Variants in PCDHGA10 observed in about 807,000 individuals in gnomAD.
PCDHGA10 encodes protocadherin gamma subfamily A, 10.
Under a neutral mutation model 59.5 loss-of-function variants are expected in PCDHGA10, and 42 were observed. That is an observed-to-expected ratio of 0.71 (90% CI 0.55 to 0.91). The LOEUF (loss-of-function observed/expected upper bound fraction) is 0.91, where lower values mean the gene tolerates loss of function less well. Ranked by LOEUF, PCDHGA10 falls within the 40% of genes least tolerant of loss-of-function variation. The probability of loss-of-function intolerance (pLI) is 0.00; values close to 1 mark genes in which losing one functional copy is unlikely to be tolerated. For missense variants in PCDHGA10, 1,111 were observed against 1,198.2 expected, an observed-to-expected ratio of 0.93 and a Z score of 1.07; for synonymous variants, 511 against 517.2, an observed-to-expected ratio of 0.99 and a Z score of 0.16.
rs369323252 is a variant in PCDHGA10 at position 141,487,658 on chromosome 5, G to T, written c.2437-7149G>T. ...TCAACAAATGCTTGAGGGTTATTCT[G>T]ATCCAGGCATATGGCTAGGCCATGT... On this transcript the variant is annotated intron_variant, in intron 1 of 3. Coordinates refer to ENST00000398610, the MANE Select transcript of PCDHGA10 (RefSeq NM_018913.3). This position sits in a 1 kb window ranked among gnomAD's most constrained non-coding sequence, Gnocchi z 5.0. The T allele has an allele frequency of 8.7e-5, 140 of 1,613,508 alleles. No individual in the cohort carries two copies. The highest frequency in any genetic ancestry group is 1.1e-4 in the Non-Finnish European group (134 of 1,179,802).
chr5:141,500,216 ATT>A (rs1562194139), intron 2 of PCDHGA10, among the ~76,000 whole-genome samples: 8 of 149,244 alleles, frequency 5.4e-5, no homozygotes, highest in African/African-American at 2.0e-4. Flanking sequence ...TTATTTATTT[ATT>A]TATTTATTGA....
intron 3 of PCDHGA10, among the ~76,000 whole-genome samples, chr5:141,509,398 G>A (rs1218925417): frequency 6.6e-6 from 1 of 152,106 alleles, no homozygotes; most frequent in Admixed American, 6.5e-5. Context: ...GGATCTCAGG[G>A]CCTCCAGCAG....
intron 1 of PCDHGA10, among the ~76,000 whole-genome samples, chr5:141,471,791 A>C (rs904614629): frequency 1.3e-5 from 2 of 152,238 alleles, no homozygotes; most frequent in Admixed American, 1.3e-4. Context: ...ATGCTATGTC[A>C]TATAAAAGAC....
chr5:141,461,773 C>T (rs894271810), intron 1 of PCDHGA10, among the ~76,000 whole-genome samples: 3 of 152,108 alleles, frequency 2.0e-5, no homozygotes, highest in Non-Finnish European at 4.4e-5. Context: ...CCTGCCTCAG[C>T]CTCCCAAGTA....
chr5:141,497,111 G>A (rs899232924), intron 2 of PCDHGA10, among the ~76,000 whole-genome samples: 16 of 152,010 alleles, frequency 1.1e-4, no homozygotes, highest in Non-Finnish European at 1.2e-4. Context: ...GCTTGAACCC[G>A]GAAGGCAGAG....
rs775890033 is a variant in PCDHGA10, at chr5:141,414,723, C to T, written c.1548C>T (p.Gly516=). ...SSYISINSDT[G]VLYALRSFDY... is the part of the protein sequence containing the mutation. ...ACATATCCATCAACTCAGACACTGGCGTCCTGTATGCACTCAGATCCTTCG... is the reference window on the plus strand; with the variant it reads ...ACATATCCATCAACTCAGACACTGGTGTCCTGTATGCACTCAGATCCTTCG... The change falls in exon 1 of 4, where the codon GGC becomes GGT. Residue 516 remains glycine, a synonymous_variant. Coordinates refer to ENST00000398610, the MANE Select transcript of PCDHGA10 (RefSeq NM_018913.3). 1.9e-6 allele frequency: 3 copies of T among 1,614,170 alleles called. No individual in the cohort carries two copies.
At chr5:141,417,673 C>G in intron 1 of PCDHGA10, 3 of 970,368 alleles carry the variant, frequency 3.1e-6, no homozygotes, top group Non-Finnish European at 2.9e-6. Context: ...CCTGCGCAGC[C>G]AACAACAGAA....
At chr5:141,428,100 G>C (rs1313410784) in intron 1 of PCDHGA10, 11 of 1,608,462 alleles carry the variant, frequency 6.8e-6, no homozygotes, top group Non-Finnish European at 9.3e-6. Context: ...GTCCTACCAC[G>C]TGCTGCAGGC....
chr5:141,438,631 TATATACACACAC>T (rs1290318462), intron 1 of PCDHGA10, among the ~76,000 whole-genome samples: 214 of 43,192 alleles, frequency 5.0e-3, no homozygotes, highest in Non-Finnish European at 6.1e-3. Flanking sequence ...TATATATATA[TATATACACACAC>T]ACACACACAT....
intron 1 of PCDHGA10, among the ~76,000 whole-genome samples, chr5:141,452,019 C>T (rs1227308101): frequency 3.3e-5 from 5 of 152,194 alleles, no homozygotes; most frequent in African/African-American, 1.2e-4. Flanking sequence ...AGCCCACACT[C>T]TGGGGAGATG....
intron 1 of PCDHGA10, among the ~76,000 whole-genome samples, chr5:141,460,221 C>T (rs931609262): frequency 3.4e-4 from 51 of 151,918 alleles, no homozygotes; most frequent in African/African-American, 1.2e-3. Flanking sequence ...TTAGTTGTGT[C>T]TTTTGAAGAG....
chr5:141,466,496 GCA>G (rs2099123596), intron 1 of PCDHGA10, among the ~76,000 whole-genome samples: 1 of 152,120 alleles, frequency 6.6e-6, no homozygotes. Context: ...TTTAATTAGA[GCA>G]CAGACAAGAT....
intron 1 of PCDHGA10, among the ~76,000 whole-genome samples, chr5:141,462,825 C>T (rs1040054698): frequency 4.6e-5 from 7 of 152,124 alleles, no homozygotes; most frequent in Admixed American, 3.9e-4. Context: ...GGACAGCAGA[C>T]ATTGTAAATG....
chr5:141,494,074 C>A (rs2099751716), intron 1 of PCDHGA10, among the ~76,000 whole-genome samples: 1 of 152,180 alleles, frequency 6.6e-6, no homozygotes, highest in Non-Finnish European at 1.5e-5. Context: ...GGATCCCTCC[C>A]CGCTGCATCC....
At chr5:141,510,860 G>A (rs1274817106) in intron 3 of PCDHGA10, 87 bp from the exon 4 acceptor site, 11 of 1,606,558 alleles carry the variant, frequency 6.8e-6, no homozygotes, top group South Asian at 4.4e-5. Context: ...GTGCTGTATA[G>A]GCATTCATTA....
At chr5:141,475,840 A>T in intron 1 of PCDHGA10, 1 of 434,888 alleles carries the variant, frequency 2.3e-6, no homozygotes, top group Non-Finnish European at 4.1e-6. Flanking sequence ...TGTCCTGCTC[A>T]GAGAGCCCGG....
chr5:141,431,974 CA>C lies in PCDHGA10; in HGVS notation c.2436+16364del, dbSNP rs1419355804. The C allele has an allele frequency of 1.2e-6, 2 of 1,614,174 alleles. No individual in the cohort carries two copies. The highest frequency in any genetic ancestry group is 1.3e-5 in the African/African-American group (1 of 75,058). On this transcript the variant is annotated intron_variant, in intron 1 of 3. Transcript: ENST00000398610. This position sits in a 1 kb window ranked among gnomAD's most constrained non-coding sequence, Gnocchi z 4.8. ...CTTACGGAAATTACTATAGTTTAGT[CA>C]CAGACATAGTCTTGGATAGGGAACA... is the stretch of plus-strand genomic sequence containing the variant.
Position 141,432,323 on chromosome 5 carries a change from T to C in PCDHGA10, c.2436+16712T>C, listed in dbSNP as rs1198710959. The C allele has an allele frequency of 3.4e-5, 55 of 1,614,214 alleles. No individual in the cohort carries two copies. Among genetic ancestry groups the C allele is most frequent in the Non-Finnish European group, 4.7e-5 (55 of 1,180,028 alleles). On this transcript the variant is annotated intron_variant, in intron 1 of 3. Transcript: ENST00000398610. This position sits in a 1 kb window ranked among gnomAD's most constrained non-coding sequence, Gnocchi z 6.0. ...ACTGTATGCGCTGAGCTCCTTCGAC[T>C]ACGAGCAGTTCCGAGACTTGCAAGT...
chr5:141,433,993 T>G (rs1367687577), intron 1 of PCDHGA10, among the ~76,000 whole-genome samples: 1 of 152,216 alleles, frequency 6.6e-6, no homozygotes, highest in Non-Finnish European at 1.5e-5. Context: ...GAGTTTTATA[T>G]TCTCTATATA....
Sources: allele counts gnomAD v4.1 joint callset (sites outside exome capture counted in the v4.1 genomes callset), GRCh38; gene constraint gnomAD v4.1.1; non-coding constraint Gnocchi (gnomAD v3.1); transcripts MANE v1.5; gene names NCBI Gene and HGNC (gene_info 2026-07-23, HGNC 2026-07-21).